The following SOX5 variants were observed in gnomAD, a reference collection of about 807,000 sequenced individuals.
SOX5 encodes transcription factor SOX-5.
Under a neutral mutation model 92.0 loss-of-function variants are expected in SOX5, and 9 were observed. The observed-to-expected ratio is 0.10, with a 90% CI of 0.06 to 0.17. SOX5 has a LOEUF of 0.17. Ranked by LOEUF, SOX5 falls within the 10% of genes least tolerant of loss-of-function variation. The pLI is 1.00. For synonymous variants in SOX5, 344 were observed against 336.3 expected (o/e 1.02, Z -0.25); for missense variants, 642 against 944.5 (o/e 0.68, Z 4.20).
intron 2 of SOX5, among the ~76,000 whole-genome samples, chr12:24,364,288 A>G (rs1326953276): frequency 6.6e-6 from 1 of 152,056 alleles, no homozygotes; most frequent in East Asian, 1.9e-4. Context: ...TACAATTCAC[A>G]TCTGTAAATG....
chr12:24,027,825 C>A (rs139946745), intron 4 of SOX5, among the ~76,000 whole-genome samples: 163 of 151,978 alleles, frequency 1.1e-3, no homozygotes, highest in Middle Eastern at 3.4e-3. Flanking sequence ...ATCCTCAATC[C>A]ATTCTCCACC....
intron 1 of SOX5, among the ~76,000 whole-genome samples, chr12:24,488,256 G>A (rs1393625271): frequency 1.3e-5 from 2 of 152,006 alleles, no homozygotes; most frequent in African/African-American, 4.8e-5. Context: ...GAGTTGCCAG[G>A]TTCCCAGATA....
chr12:24,206,728 C>T (rs760376267), intron 4 of SOX5, among the ~76,000 whole-genome samples: 15 of 152,182 alleles, frequency 9.9e-5, no homozygotes, highest in Non-Finnish European at 1.8e-4. Context: ...CTGATCTCTC[C>T]CCATTCAGAA....
chr12:24,461,266 A>ATTAG (rs397741550), intron 1 of SOX5, among the ~76,000 whole-genome samples: 2 of 151,610 alleles, frequency 1.3e-5, no homozygotes, highest in African/African-American at 4.8e-5. Context: ...TGGTCATTTA[A>ATTAG]GTCAGAAAAG....
At chr12:23,691,578 C>T (rs1189836248) in intron 6 of SOX5, among the ~76,000 whole-genome samples, 1 of 152,100 alleles carries the variant, frequency 6.6e-6, no homozygotes, top group Non-Finnish European at 1.5e-5. Context: ...ATTAAGTCTT[C>T]CACTTTTCTA....
intron 10 of SOX5, among the ~76,000 whole-genome samples, chr12:23,571,963 C>T (rs1046660984): frequency 3.3e-5 from 5 of 152,004 alleles, no homozygotes; most frequent in Non-Finnish European, 7.4e-5. Context: ...TACATATGTT[C>T]GATATAGGTG....
chr12:23,809,240 G>T (rs1306863979), intron 3 of SOX5, among the ~76,000 whole-genome samples: 3 of 152,040 alleles, frequency 2.0e-5, no homozygotes, highest in South Asian at 2.1e-4. Flanking sequence ...GGAACGGGCT[G>T]GTGGGTAGGG....
intron 2 of SOX5, among the ~76,000 whole-genome samples, chr12:24,277,578 A>T (rs12828321): frequency 3.5e-5 from 5 of 143,568 alleles, no homozygotes; most frequent in African/African-American, 5.1e-5. Context: ...ATATATAAAT[A>T]TATATTTAAA....
intron 1 of SOX5, among the ~76,000 whole-genome samples, chr12:23,926,130 T>C (rs899169376): frequency 2.6e-5 from 4 of 152,108 alleles, no homozygotes; most frequent in African/African-American, 9.7e-5. Context: ...ACTGTAATAC[T>C]TTTTACTGAA....
In SOX5 at chr12:23,680,557, GA is replaced by G. The variant is rs1488990519; in HGVS notation, c.811-14994del. Among the ~76,000 whole-genome samples, 22 of 151,474 alleles carry G rather than the reference GA, an allele frequency of 1.5e-4. No homozygotes were observed. In the South Asian group the frequency reaches 3.6e-3, roughly 24 times the overall value. On this transcript the variant is annotated intron_variant, in intron 6 of 14. Transcript: ENST00000451604. ...AAATGCTTGGTCAAAAATTTTAGGA[GA>G]AAAAAAATTTTTTTAAATGGAGGAA...
intron 4 of SOX5, among the ~76,000 whole-genome samples, chr12:24,066,590 TA>T (rs1458578937): frequency 6.6e-6 from 1 of 152,096 alleles, no homozygotes; most frequent in East Asian, 1.9e-4. Context: ...GGTAAATAAC[TA>T]AAGAGTTATT....
intron 1 of SOX5, among the ~76,000 whole-genome samples, chr12:23,907,074 A>T (rs1262889823): frequency 1.3e-5 from 2 of 152,166 alleles, no homozygotes; most frequent in East Asian, 3.9e-4. Flanking sequence ...ATTGGTAGTG[A>T]AAAAGGAATT....
chr12:24,270,909 A>T (rs758672768), intron 3 of SOX5, among the ~76,000 whole-genome samples: 1 of 152,192 alleles, frequency 6.6e-6, no homozygotes, highest in Non-Finnish European at 1.5e-5. Context: ...ATAATTTTCC[A>T]ACTTGCTGAT....
chr12:24,477,747 C>T (rs1422857532), intron 1 of SOX5, among the ~76,000 whole-genome samples: 5 of 151,832 alleles, frequency 3.3e-5, no homozygotes, highest in Non-Finnish European at 5.9e-5. Flanking sequence ...AATTGAAGAG[C>T]TTGGTAAAAT....
intron 3 of SOX5, among the ~76,000 whole-genome samples, chr12:24,267,907 G>T (rs1252884220): frequency 6.6e-6 from 1 of 152,052 alleles, no homozygotes; most frequent in Non-Finnish European, 1.5e-5. Flanking sequence ...ACTTTTGAGA[G>T]ATTCTCACAT....
chr12:23,913,881 C>A (rs1417042526), intron 1 of SOX5, among the ~76,000 whole-genome samples: 2 of 152,008 alleles, frequency 1.3e-5, no homozygotes, highest in Admixed American at 6.6e-5. Context: ...TTACTAATTT[C>A]TTCATTTATA....
chr12:24,232,913 C>A (rs1271311503), intron 3 of SOX5, among the ~76,000 whole-genome samples: 1 of 152,188 alleles, frequency 6.6e-6, no homozygotes, highest in Non-Finnish European at 1.5e-5. Flanking sequence ...CACATGGCAG[C>A]AATCTACTGG....
At chr12:23,759,046 C>G (rs1395569758) in intron 3 of SOX5, among the ~76,000 whole-genome samples, 2 of 151,300 alleles carry the variant, frequency 1.3e-5, no homozygotes, top group Non-Finnish European at 3.0e-5. Context: ...CACACACACA[C>G]ACACACACAC....
At chr12:23,707,728 T>G (rs1413212840) in intron 6 of SOX5, among the ~76,000 whole-genome samples, 1 of 152,164 alleles carries the variant, frequency 6.6e-6, no homozygotes, top group Non-Finnish European at 1.5e-5. Flanking sequence ...AGGAACTTTT[T>G]ATTTTTTAAC....
Sources: allele counts gnomAD v4.1 joint callset (sites outside exome capture counted in the v4.1 genomes callset), GRCh38; gene constraint gnomAD v4.1.1; transcripts MANE v1.5; gene names NCBI Gene and HGNC (gene_info 2026-07-23, HGNC 2026-07-21).